GUCY1A1: variants seen among roughly 807,000 people sequenced by gnomAD.
GUCY1A1 encodes the protein guanylate cyclase 1 soluble subunit alpha 1, also known as guanylate cyclase soluble subunit alpha-1.
Under a neutral mutation model 64.5 loss-of-function variants are expected in GUCY1A1, and 48 were observed. That is an observed-to-expected ratio of 0.74 (90% confidence interval 0.59 to 0.95). The LOEUF (loss-of-function observed/expected upper bound fraction) is 0.95. Ranked by LOEUF, GUCY1A1 falls within the 40% of genes least tolerant of loss-of-function variation. The probability of loss-of-function intolerance (pLI) is 0.00; values close to 1 mark genes in which losing one functional copy is unlikely to be tolerated. For missense variants in GUCY1A1, 804 were observed against 825.3 expected, an observed-to-expected ratio of 0.97 and a Z score of 0.32; for synonymous variants, 308 against 303.4, an observed-to-expected ratio of 1.02 and a Z score of -0.16.
In GUCY1A1 at chr4:155,733,301, C is replaced by T. The variant is rs974084121; in HGVS notation, c.*3070C>T. Among the ~76,000 whole-genome samples, 1 of 151,586 alleles carries T rather than the reference C, an allele frequency of 6.6e-6. No individual in the cohort carries two copies. Among genetic ancestry groups the T allele is most frequent in the Non-Finnish European group, 1.5e-5 (1 of 67,840 alleles). ...AGAGAAGTCTTTTGGTCTTAGAGTT[C>T]ATCAAGCAGAGAAGGGGAAGGACAT... On this transcript the variant is annotated 3_prime_UTR_variant, in exon 10 of 10. Transcript: ENST00000506455.
chr4:155,702,232 C>T (rs1211719303), intron 3 of GUCY1A1, among the ~76,000 whole-genome samples: 2 of 152,222 alleles, frequency 1.3e-5, no homozygotes, highest in African/African-American at 4.8e-5. Context: ...AAGGCAGCAA[C>T]CCTTATTTTA....
At chr4:155,699,302 G>A (rs1730795749) in intron 3 of GUCY1A1, among the ~76,000 whole-genome samples, 1 of 152,082 alleles carries the variant, frequency 6.6e-6, no homozygotes, top group Non-Finnish European at 1.5e-5. Context: ...CCTGCTGAGG[G>A]AGAAGTTTCT....
At chr4:155,720,444 T>A (rs1356679233) in intron 8 of GUCY1A1, among the ~76,000 whole-genome samples, 1 of 152,138 alleles carries the variant, frequency 6.6e-6, no homozygotes, top group Non-Finnish European at 1.5e-5. Flanking sequence ...AACAGACATC[T>A]AAGTTTTGCT....
intron 2 of GUCY1A1, among the ~76,000 whole-genome samples, chr4:155,683,407 C>T (rs991540427): frequency 6.6e-6 from 1 of 152,144 alleles, no homozygotes; most frequent in African/African-American, 2.4e-5. Flanking sequence ...CTATCTATGT[C>T]ACTTCCGTGT....
chr4:155,698,988 A>G (rs1730756807), intron 3 of GUCY1A1, among the ~76,000 whole-genome samples: 1 of 152,074 alleles, frequency 6.6e-6, no homozygotes, highest in Non-Finnish European at 1.5e-5. Context: ...GTGTTTTCTT[A>G]TAACCCACTA....
chr4:155,691,985 C>T (rs1729800733), intron 2 of GUCY1A1, among the ~76,000 whole-genome samples: 1 of 152,046 alleles, frequency 6.6e-6, no homozygotes, highest in Non-Finnish European at 1.5e-5. Context: ...GTGTTGTTCC[C>T]CTCTATGTGT....
At chr4:155,687,637 A>G (rs1729166267) in intron 2 of GUCY1A1, among the ~76,000 whole-genome samples, 1 of 152,116 alleles carries the variant, frequency 6.6e-6, no homozygotes. Context: ...ATCTCACAAC[A>G]CATTTATGAG....
rs138244486 is a variant in GUCY1A1, at chr4:155,716,046, C to A, written c.1573-1113C>A. Among the ~76,000 whole-genome samples, 5 of 152,182 alleles carry A rather than the reference C, an allele frequency of 3.3e-5. No homozygotes were observed. The East Asian group carries it at 7.7e-4, about 24-fold the overall frequency. On this transcript the variant is annotated intron_variant, in intron 7 of 9. Coordinates refer to ENST00000506455, the MANE Select transcript of GUCY1A1 (RefSeq NM_001130682.3). ...AAAGGAGGGACAACCACGTGGTTAT[C>A]TGCAGAGAGATTGCTCCAGGAGAAA...
At position 155,676,923 on chromosome 4, in the gene GUCY1A1, A is replaced by G. The variant is rs185776688; in HGVS notation, c.-113+9504A>G. Among the ~76,000 whole-genome samples the G allele has an allele frequency of 2.7e-4, 41 of 151,550 alleles. 1 individual carries two copies. The East Asian group carries it at 6.4e-3, about 24-fold the overall frequency. On this transcript the variant is annotated intron_variant, in intron 2 of 9. Coordinates refer to ENST00000506455, the MANE Select transcript of GUCY1A1 (RefSeq NM_001130682.3). ...CCTTAAGTGTCACGTTTTCAGGGACATGTTTACCAATGTACTGTACAGGGG... is the reference window on the plus strand; with the variant it reads ...CCTTAAGTGTCACGTTTTCAGGGACGTGTTTACCAATGTACTGTACAGGGG...
At chr4:155,703,309 C>T (rs978861919) in intron 3 of GUCY1A1, among the ~76,000 whole-genome samples, 1 of 151,832 alleles carries the variant, frequency 6.6e-6, no homozygotes, top group Non-Finnish European at 1.5e-5. Flanking sequence ...AAGGTAAACC[C>T]AAGGCTCATT....
At chr4:155,685,114 A>G (rs1455711446) in intron 2 of GUCY1A1, among the ~76,000 whole-genome samples, 1 of 152,170 alleles carries the variant, frequency 6.6e-6, no homozygotes, top group Non-Finnish European at 1.5e-5. Context: ...CTCACCAGCT[A>G]TGGCCAAGGA....
chr4:155,723,478 T>C (rs1470372006), intron 9 of GUCY1A1, among the ~76,000 whole-genome samples: 1 of 152,094 alleles, frequency 6.6e-6, no homozygotes, highest in African/African-American at 2.4e-5. Context: ...AAATATATCT[T>C]TCATGTACAT....
At chr4:155,706,593 C>G (rs1200401878) in intron 4 of GUCY1A1, among the ~76,000 whole-genome samples, 1 of 150,258 alleles carries the variant, frequency 6.7e-6, no homozygotes, top group Non-Finnish European at 1.5e-5. Context: ...CCAGAGAGTT[C>G]TTGCTTAGTT....
chr4:155,707,168 G>T (rs1312974939), intron 4 of GUCY1A1, among the ~76,000 whole-genome samples: 2 of 152,122 alleles, frequency 1.3e-5, no homozygotes, highest in African/African-American at 4.8e-5. Flanking sequence ...TTGGTTATCA[G>T]AATTACCATC....
At chr4:155,683,583 T>C (rs538495427) in intron 2 of GUCY1A1, among the ~76,000 whole-genome samples, 145 of 152,304 alleles carry the variant, frequency 9.5e-4, no homozygotes, top group African/African-American at 3.2e-3. Context: ...GGAAAGTTAT[T>C]TAGAAAATGT....
In GUCY1A1 at chr4:155,713,497, C is replaced by G; in HGVS notation, c.1486C>G (p.Gln496Glu). The G allele has an allele frequency of 6.2e-7, 1 of 1,614,124 alleles. No homozygotes were observed. The highest frequency in any genetic ancestry group is 8.5e-7 in the Non-Finnish European group (1 of 1,179,976). Residue 496 changes from glutamine to glutamate, a missense_variant, in exon 7 of 10, where the codon CAG becomes GAG. By Grantham distance (29) the Gln-to-Glu change is conservative. Transcript: ENST00000506455. ...DIVGFTAICS[Q>E]CSPLQVITML... is the part of the protein sequence containing the mutation. The stretch of plus-strand genomic sequence containing the variant: ...CGTTGGGTTCACTGCCATCTGCTCC[C>G]AGTGCTCACCGCTGCAGGTCATCAC...
chr4:155,709,161 A>T (rs1732196575), intron 5 of GUCY1A1, among the ~76,000 whole-genome samples: 1 of 150,402 alleles, frequency 6.6e-6, no homozygotes, highest in African/African-American at 2.5e-5. Flanking sequence ...CTCTGTAACT[A>T]TAAAAAATTA....
chr4:155,716,029 GA>G (rs533615689), intron 7 of GUCY1A1, among the ~76,000 whole-genome samples: 173 of 152,180 alleles, frequency 1.1e-3, no homozygotes, highest in African/African-American at 2.3e-3. Context: ...GGAAAGGAGG[GA>G]CAACCACGTG....
At chr4:155,709,816 G>C (rs1454107983) in intron 5 of GUCY1A1, among the ~76,000 whole-genome samples, 1 of 152,044 alleles carries the variant, frequency 6.6e-6, no homozygotes, top group Admixed American at 6.6e-5. Flanking sequence ...CTGGGCGACA[G>C]AGCGAGACTC....
Sources: gnomAD v4.1 joint callset for allele counts (sites outside exome capture counted in the v4.1 genomes callset) on GRCh38, gnomAD v4.1.1 for gene constraint, MANE v1.5 for transcripts, NCBI Gene and HGNC (gene_info 2026-07-23, HGNC 2026-07-21) for gene names.